The following MID1 variants were observed in gnomAD, a reference collection of about 807,000 sequenced individuals.
MID1 encodes the protein midline 1, also known as E3 ubiquitin-protein ligase Midline-1.
A neutral mutation model predicts 40.4 loss-of-function variants in MID1; 7 were observed. The observed-to-expected ratio is 0.17, with a 90% CI of 0.10 to 0.33. MID1 has a LOEUF of 0.33. Ranked by LOEUF, MID1 falls within the 10% of genes least tolerant of loss-of-function variation. The pLI, the probability that MID1 is intolerant of heterozygous loss-of-function variation, is 1.00. For missense variants in MID1, 367 were observed against 558.5 expected (o/e 0.66, Z 3.46); for synonymous variants, 229 against 221.2 (o/e 1.04, Z -0.31).
At chrX:10,670,095 G>A in intron 1 of MID1, among the ~76,000 whole-genome samples, 1 of 112,110 alleles carries the variant, frequency 8.9e-6, no homozygotes, top group East Asian at 2.8e-4. Flanking sequence ...GGGTCTTTCC[G>A]AACAAGAATT....
intron 7 of MID1, among the ~76,000 whole-genome samples, chrX:10,466,485 C>T (rs936488833): frequency 8.1e-5 from 9 of 111,225 alleles, no homozygotes; most frequent in African/African-American, 1.6e-4. Flanking sequence ...TTCTCAACTT[C>T]GACATTACTG....
intron 1 of MID1, among the ~76,000 whole-genome samples, chrX:10,658,997 C>T (rs2042894097): frequency 8.9e-6 from 1 of 111,915 alleles, no homozygotes; most frequent in Non-Finnish European, 1.9e-5. Flanking sequence ...ACACTCAGTG[C>T]TCACCTTTCA....
chrX:10,534,589 AC>A (rs1933170791), intron 2 of MID1, among the ~76,000 whole-genome samples: 1 of 111,744 alleles, frequency 8.9e-6, no homozygotes, highest in South Asian at 3.8e-4. Flanking sequence ...CCTTTTCTGG[AC>A]CAGCTGCTGA....
upstream of MID1, among the ~76,000 whole-genome samples, chrX:10,624,097 T>C (rs1403286754): frequency 1.8e-5 from 2 of 112,417 alleles, no homozygotes; most frequent in Non-Finnish European, 3.8e-5. Context: ...TTTCAGTTGG[T>C]TAAGGGAAAC....
At chrX:10,815,379 G>A (rs779499454) in intron 1 of MID1, among the ~76,000 whole-genome samples, 1 of 112,050 alleles carries the variant, frequency 8.9e-6, no homozygotes, top group Non-Finnish European at 1.9e-5. Flanking sequence ...TAAACATGCT[G>A]CACCAGTGAA....
intron 1 of MID1, among the ~76,000 whole-genome samples, chrX:10,611,391 T>C (rs1387520985): frequency 1.8e-5 from 2 of 112,257 alleles, no homozygotes; most frequent in Non-Finnish European, 3.8e-5. Context: ...ATAAAAATGT[T>C]AAATGGGAAA....
chrX:10,572,056 T>G (rs771770364), intron 1 of MID1, among the ~76,000 whole-genome samples: 3 of 108,242 alleles, frequency 2.8e-5, no homozygotes, highest in Admixed American at 1.0e-4. Flanking sequence ...ACCAAGCAGA[T>G]AGTGGTACAT....
intron 2 of MID1, among the ~76,000 whole-genome samples, chrX:10,547,511 G>C (rs1168857978): frequency 1.0e-5 from 1 of 100,470 alleles, no homozygotes; most frequent in Non-Finnish European, 2.0e-5. Context: ...AGCAGAGGTT[G>C]CGGTGAGCCG....
chrX:10,803,263 T>C (rs867216355), intron 1 of MID1, among the ~76,000 whole-genome samples: 1 of 110,892 alleles, frequency 9.0e-6, no homozygotes, highest in Non-Finnish European at 1.9e-5. Context: ...ATAAAGTTCT[T>C]GAGAGAGAGA....
chrX:10,592,651 G>A (rs1391404457), intron 1 of MID1, among the ~76,000 whole-genome samples: 2 of 110,165 alleles, frequency 1.8e-5, no homozygotes, highest in African/African-American at 6.6e-5. Flanking sequence ...TATATATAGA[G>A]AGAGTAATAA....
intron 1 of MID1, among the ~76,000 whole-genome samples, chrX:10,824,029 T>C (rs989032289): frequency 7.1e-5 from 8 of 112,199 alleles, no homozygotes; most frequent in African/African-American, 2.6e-4. Context: ...CATATATTGA[T>C]TTATGCTACC....
chrX:10,566,520 TCC>T (rs1569107624), intron 2 of MID1, among the ~76,000 whole-genome samples: 11 of 89,528 alleles, frequency 1.2e-4, no homozygotes, highest in African/African-American at 5.8e-4. Flanking sequence ...TCCCTCTCTC[TCC>T]CTCTCTCTCC....
At chrX:10,688,170 T>A (rs926062998) in intron 1 of MID1, among the ~76,000 whole-genome samples, 3 of 112,316 alleles carry the variant, frequency 2.7e-5, no homozygotes, top group East Asian at 2.8e-4. Context: ...AACATTTTTT[T>A]AAAATCTCTT....
chrX:10,593,799 A>ACACG (rs1569120960), intron 1 of MID1, among the ~76,000 whole-genome samples: 1 of 106,640 alleles, frequency 9.4e-6, no homozygotes, highest in African/African-American at 3.5e-5. Context: ...ACACACACAC[A>ACACG]CACACCACTT....
At chrX:10,551,143 T>A (rs1443783698) in intron 2 of MID1, among the ~76,000 whole-genome samples, 1 of 112,237 alleles carries the variant, frequency 8.9e-6, no homozygotes, top group African/African-American at 3.2e-5. Flanking sequence ...TGTAAAAGCT[T>A]AGTAAATAGT....
At chrX:10,695,632 G>A (rs1226200848) in intron 1 of MID1, among the ~76,000 whole-genome samples, 1 of 112,088 alleles carries the variant, frequency 8.9e-6, no homozygotes, top group Non-Finnish European at 1.9e-5. Flanking sequence ...CCCACATGGT[G>A]TGGCTGGCCT....
intron 1 of MID1, among the ~76,000 whole-genome samples, chrX:10,798,919 G>T (rs2147143994): frequency 8.9e-6 from 1 of 111,925 alleles, no homozygotes; most frequent in South Asian, 3.8e-4. Flanking sequence ...TGGGGTAAGA[G>T]AAGATGGATC....
rs988014939 is a variant in MID1 at position 10,446,230 on chromosome X, G to A, written c.*3138C>T. The A allele has an allele frequency of 9.0e-6, 1 of 111,585 alleles. No individual in the cohort carries two copies. The highest frequency in any genetic ancestry group is 1.9e-5 in the Non-Finnish European group (1 of 53,180). 9.2% of individuals were successfully genotyped at this position (111,585 alleles called of 1,213,427 possible). A position where few individuals can be genotyped will look rare whatever the true frequency, so the allele number is the denominator to read the frequency against. On this transcript the variant is annotated 3_prime_UTR_variant, in exon 10 of 10. Transcript: ENST00000317552. ...GGTGTGCTTTTTACCATTTTATTAA[G>A]ATAGACCAGATGGTCAACTTCCCAA...
intron 1 of MID1, among the ~76,000 whole-genome samples, chrX:10,683,770 CTTTTTTTTT>C (rs34917176): frequency 4.4e-4 from 20 of 45,090 alleles, no homozygotes; most frequent in East Asian, 2.1e-3. Context: ...TGCACGTCAT[CTTTTTTTTT>C]TTTTTTTTTT....
Sources: allele counts gnomAD v4.1 joint callset (sites outside exome capture counted in the v4.1 genomes callset), GRCh38; gene constraint gnomAD v4.1.1; transcripts MANE v1.5; gene names NCBI Gene and HGNC (gene_info 2026-07-23, HGNC 2026-07-21).